ZNF709: variants seen among roughly 807,000 people sequenced by gnomAD.
The protein encoded by ZNF709 is zinc finger protein 709.
ZNF709 carries 15 observed loss-of-function variants against 10.6 expected under a neutral mutation model. That is an observed-to-expected ratio of 1.41 (90% CI 0.95 to 2.18). The LOEUF (loss-of-function observed/expected upper bound fraction) is 2.18. Among genes scored for constraint, ZNF709 ranks in the 30% most tolerant of loss-of-function variants. The probability of loss-of-function intolerance (pLI) is 0.00; values close to 1 mark genes in which losing one functional copy is unlikely to be tolerated. For synonymous variants in ZNF709, 194 were observed against 238.8 expected, an observed-to-expected ratio of 0.81 and a Z score of 1.73; for missense variants, 589 against 774.0, an observed-to-expected ratio of 0.76 and a Z score of 2.84.
In ZNF709 at chr19:12,464,864, C is replaced by T; in HGVS notation, c.1058G>A (p.Arg353Lys). ...KAFISLPSYRRHMIMHTGNGP... is the reference protein window; with the variant it reads ...KAFISLPSYRKHMIMHTGNGP... Reference sequence around the variant, plus strand: ...ATTTCCAGTGTGCATTATCATATGTCTTCGATAGCTTGGAAGAGAAATGAA... The same window carrying T: ...ATTTCCAGTGTGCATTATCATATGTTTTCGATAGCTTGGAAGAGAAATGAA... Residue 353 changes from arginine to lysine, a missense_variant, in exon 4 of 4, where the codon AGA becomes AAA. Physicochemically the swap from Arg to Lys is conservative, Grantham distance 26 (BLOSUM62 2). This residue lies in a region of ZNF709 where 418 missense variants were observed against 496.3 expected (regional missense o/e 0.84). Coordinates refer to ENST00000397732, the MANE Select transcript of ZNF709 (RefSeq NM_152601.4). 4 of 1,613,828 alleles carry T rather than the reference C, an allele frequency of 2.5e-6. No individual in the cohort carries two copies. Among genetic ancestry groups the T allele is most frequent in the Non-Finnish European group, 3.4e-6 (4 of 1,179,932 alleles).
chr19:12,483,328 T>TTTTA (rs1568250205), intron 1 of ZNF709, among the ~76,000 whole-genome samples: 1 of 134,688 alleles, frequency 7.4e-6, no homozygotes, highest in Admixed American at 7.5e-5. Flanking sequence ...TTTTTTTTTT[T>TTTTA]TTTCTAGTAG....
intron 1 of ZNF709, 30 bp from the exon 2 acceptor site, chr19:12,466,880 T>C: frequency 8.1e-6 from 13 of 1,600,636 alleles, no homozygotes; most frequent in African/African-American, 5.4e-5. Context: ...TAGGGGAGGA[T>C]GGGTGAGACT....
At chr19:12,467,929 A>T (rs1599632619) in intron 1 of ZNF709, among the ~76,000 whole-genome samples, 1 of 148,812 alleles carries the variant, frequency 6.7e-6, no homozygotes, top group Admixed American at 6.6e-5. Context: ...TCCGGGAGGG[A>T]GGTGGGGGTC....
In ZNF709 at chr19:12,464,051, G is replaced by T; in HGVS notation, c.1871C>A (p.Ala624Asp). 5 of 1,536,970 alleles carry T rather than the reference G, an allele frequency of 3.3e-6. No individual in the cohort carries two copies. The highest frequency in any genetic ancestry group is 4.4e-6 in the Non-Finnish European group (5 of 1,147,622). ...KPYACQQCGK[A>D]FKCSRSFRIH... ...TCGAAAGGAACGGGAACACTTGAAG[G>T]CTTTACCACATTGTTGACATGCATA... The change falls in exon 4 of 4, where the codon GCC (alanine) becomes GAC (aspartate). Residue 624 changes from alanine to aspartate, a missense_variant. Physicochemically the swap from Ala to Asp is moderately radical, Grantham distance 126. This residue lies in a region of ZNF709 where 171 missense variants were observed against 277.7 expected (regional missense o/e 0.62). Transcript: ENST00000397732.
At chr19:12,478,929 A>G (rs188337777) in intron 1 of ZNF709, among the ~76,000 whole-genome samples, 251 of 152,352 alleles carry the variant, frequency 1.6e-3, no homozygotes, top group African/African-American at 5.7e-3. Context: ...ACTACTCATT[A>G]CAGAACCAAC....
At chr19:12,476,253 G>A (rs1377742952) in intron 1 of ZNF709, among the ~76,000 whole-genome samples, 1 of 152,092 alleles carries the variant, frequency 6.6e-6, no homozygotes. Flanking sequence ...TTAGCCAGGT[G>A]TGGTGGTGCA....
rs1331239719 is a variant in ZNF709, at chr19:12,462,815, C to G, written c.*1181G>C. On this transcript the variant is annotated 3_prime_UTR_variant, in exon 4 of 4. Transcript: ENST00000397732. ...CTGCTAGCTTATTATAAATACACTT[C>G]AATTCACTCATGAATCTAACAGACT... The G allele has an allele frequency of 6.6e-6, 1 of 152,122 alleles. No homozygotes were observed. Among genetic ancestry groups the G allele is most frequent in the Non-Finnish European group, 1.5e-5 (1 of 68,030 alleles). 9.4% of individuals were successfully genotyped at this position (152,122 alleles called of 1,614,324 possible). A position where few individuals can be genotyped will look rare whatever the true frequency, so the allele number is the denominator to read the frequency against.
In ZNF709 at chr19:12,465,221, C is replaced by T; in HGVS notation, c.701G>A (p.Ser234Asn). ...ATGATTTCGAAAAGAACTGGGATGACTGAACGTTTTCCCGCATTCTTTACA... is the reference window on the plus strand; with the variant it reads ...ATGATTTCGAAAAGAACTGGGATGATTGAACGTTTTCCCGCATTCTTTACA... The part of the protein sequence containing the change: ...YKCKECGKTF[S>N]HPSSFRNHER... Residue 234 changes from serine (S) to asparagine (N), a missense_variant, in exon 4 of 4, where the codon AGT becomes AAT. This residue lies in a region of ZNF709 where 418 missense variants were observed against 496.3 expected (regional missense o/e 0.84). Coordinates refer to ENST00000397732, the MANE Select transcript of ZNF709 (RefSeq NM_152601.4). 1 of 1,613,090 alleles carries T rather than the reference C, an allele frequency of 6.2e-7. No homozygotes were observed. Among genetic ancestry groups the T allele is most frequent in the East Asian group, 2.2e-5 (1 of 44,848 alleles).
intron 1 of ZNF709, among the ~76,000 whole-genome samples, chr19:12,467,284 C>T (rs34558799): frequency 0.019 from 2,821 of 152,288 alleles, 40 homozygotes; most frequent in Middle Eastern, 0.044. Context: ...ATTGCAGGCG[C>T]GCGCGCCGCC....
intron 1 of ZNF709, among the ~76,000 whole-genome samples, chr19:12,484,274 G>C (rs970006217): frequency 7.2e-5 from 11 of 152,172 alleles, no homozygotes; most frequent in Non-Finnish European, 1.3e-4. Context: ...GGGAAGAAAA[G>C]AGGGACTGAG....
chr19:12,484,816 C>A lies in ZNF709; in HGVS notation c.-159G>T, dbSNP rs1283261510. ...CTGGTAGCCACGCCCTCGCCGTTTGCGCAGCGCCCCTCCGCCCGCCTTCCC... is the reference window on the plus strand; with the variant it reads ...CTGGTAGCCACGCCCTCGCCGTTTGAGCAGCGCCCCTCCGCCCGCCTTCCC... On this transcript the variant is annotated 5_prime_UTR_variant, in exon 1 of 4. Coordinates refer to ENST00000397732, the MANE Select transcript of ZNF709 (RefSeq NM_152601.4). 2 of 937,300 alleles carry A rather than the reference C, an allele frequency of 2.1e-6. No homozygotes were observed. The highest frequency in any genetic ancestry group is 3.2e-6 in the Non-Finnish European group (2 of 628,514). 58.1% of individuals were successfully genotyped at this position (937,300 alleles called of 1,614,324 possible). A position where few individuals can be genotyped will look rare whatever the true frequency, so the allele number is the denominator to read the frequency against.
At chr19:12,480,632 G>A (rs186332699) in intron 1 of ZNF709, among the ~76,000 whole-genome samples, 4,084 of 150,106 alleles carry the variant, frequency 0.027, 68 homozygotes, top group Non-Finnish European at 0.04. Context: ...GCGGTGAGCC[G>A]AGATCGCGCC....
intron 1 of ZNF709, among the ~76,000 whole-genome samples, chr19:12,467,554 G>A (rs1026848469): frequency 3.9e-5 from 6 of 152,310 alleles, no homozygotes; most frequent in African/African-American, 9.6e-5. Context: ...GCCTCTGCCC[G>A]GCTGCCACCC....
At chr19:12,470,082 G>A (rs914313141) in intron 1 of ZNF709, among the ~76,000 whole-genome samples, 22 of 152,210 alleles carry the variant, frequency 1.4e-4, no homozygotes, top group African/African-American at 4.6e-4. Context: ...GAAGTGATCC[G>A]CAAACAGCTA....
In ZNF709 at chr19:12,468,621, C is replaced by A. The variant is rs1171924575; in HGVS notation, c.4-1771G>T. ...CTTTGTTCACTTGTTTATCTGCTGACCTTCCCTCCACTATTGTCCTATGAC... is the reference window on the plus strand; with the variant it reads ...CTTTGTTCACTTGTTTATCTGCTGAACTTCCCTCCACTATTGTCCTATGAC... On this transcript the variant is annotated intron_variant, in intron 1 of 3. Coordinates refer to ENST00000397732, the MANE Select transcript of ZNF709 (RefSeq NM_152601.4). Among the ~76,000 whole-genome samples the A allele has an allele frequency of 2.7e-5, 4 of 148,564 alleles. No individual in the cohort carries two copies. In the Admixed American group the frequency reaches 2.7e-4, roughly 10 times the overall value.
intron 1 of ZNF709, among the ~76,000 whole-genome samples, chr19:12,479,302 C>CA (rs1425178213): frequency 1.3e-5 from 2 of 151,558 alleles, no homozygotes; most frequent in South Asian, 2.1e-4. Flanking sequence ...GACCCCATCT[C>CA]AAAAAAAATA....
chr19:12,464,397 A>T lies in ZNF709; in HGVS notation c.1525T>A (p.Cys509Ser). Residue 509 changes from cysteine (C) to serine (S), a missense_variant, in exon 4 of 4, where the codon TGT becomes AGT. Physicochemically the swap from Cys to Ser is moderately radical, Grantham distance 112. Transcript: ENST00000397732. The part of the protein sequence containing the change: ...TGEKPYECKQ[C>S]GKAFSCSSSF... ...CTGGAACAACTGAAGGCTTTACCACATTGTTTACATTCATAGGGTTTCTCT... is the reference window on the plus strand; with the variant it reads ...CTGGAACAACTGAAGGCTTTACCACTTTGTTTACATTCATAGGGTTTCTCT... 1.2e-6 allele frequency: 2 copies of T among 1,613,464 alleles called. No individual in the cohort carries two copies. The highest frequency in any genetic ancestry group is 1.7e-6 in the Non-Finnish European group (2 of 1,179,722).
chr19:12,481,838 G>A (rs1599636785), intron 1 of ZNF709, among the ~76,000 whole-genome samples: 1 of 150,462 alleles, frequency 6.6e-6, no homozygotes, highest in Non-Finnish European at 1.5e-5. Context: ...GCCAAGAAAG[G>A]TGTTCGAGGT....
In ZNF709 at chr19:12,462,487, C is replaced by G. The variant is rs190949119; in HGVS notation, c.*1509G>C. On this transcript the variant is annotated 3_prime_UTR_variant, in exon 4 of 4. Transcript: ENST00000397732. The stretch of plus-strand genomic sequence containing the variant: ...TTAATACAAAGTCTATTATTCAAAT[C>G]ACAGCCAGAAGGAATTACAAACAGC... 1.3e-5 allele frequency: 2 copies of G among 152,276 alleles called. No homozygotes were observed. Among genetic ancestry groups the G allele is most frequent in the Admixed American group, 6.5e-5 (1 of 15,300 alleles). The allele number at this position is 152,276 out of a possible 1,614,324, so 9.4% of individuals were successfully genotyped here. A position where few individuals can be genotyped will look rare whatever the true frequency, so the allele number is the denominator to read the frequency against.
Sources: gnomAD v4.1 joint callset for allele counts (sites outside exome capture counted in the v4.1 genomes callset) on GRCh38, gnomAD v4.1.1 for gene constraint, gnomAD v4.1.1 regional missense constraint, MANE v1.5 for transcripts, NCBI Gene and HGNC (gene_info 2026-07-23, HGNC 2026-07-21) for gene names.